KCNN2: variants seen among roughly 807,000 people sequenced by gnomAD.
The protein encoded by KCNN2 is potassium calcium-activated channel subfamily N member 2, also known as small conductance calcium-activated potassium channel protein 2.
In KCNN2, 24 loss-of-function variants were observed where a neutral mutation model predicts 55.5. The ratio of observed to expected loss-of-function variants is 0.43; its 90% CI spans 0.31 to 0.61. KCNN2 has a LOEUF of 0.61. KCNN2 is among the 20% of genes least tolerant of loss of function. KCNN2 has a pLI of 0.08. For missense variants in KCNN2, 754 were observed against 853.6 expected (o/e 0.88, Z 1.45); for synonymous variants, 431 against 336.1 (o/e 1.28, Z -3.09).
At chr5:114,255,098 T>C (rs1379137713) in intron 2 of KCNN2, among the ~76,000 whole-genome samples, 1 of 152,190 alleles carries the variant, frequency 6.6e-6, no homozygotes, top group African/African-American at 2.4e-5. Context: ...AGATGACTGC[T>C]TGATGACAGT....
In KCNN2 at chr5:114,217,150, A is replaced by G. The variant is rs575646129; in HGVS notation, c.-270-4330A>G. Among the ~76,000 whole-genome samples, 59 of 152,256 alleles carry G rather than the reference A, an allele frequency of 3.9e-4. No individual in the cohort carries two copies. The South Asian group carries it at 9.7e-3, about 25-fold the overall frequency. The stretch of plus-strand genomic sequence containing the variant: ...GAGATATTCCATGTTCATGAATGGG[A>G]AAACTCAATATCATCAATACATCAT... On this transcript the variant is annotated intron_variant, in intron 1 of 10. Coordinates refer to the KCNN2 transcript ENST00000512097.
chr5:114,156,981 C>A (rs1343063747), intron 1 of KCNN2, among the ~76,000 whole-genome samples: 1 of 151,318 alleles, frequency 6.6e-6, no homozygotes, highest in Non-Finnish European at 1.5e-5. Flanking sequence ...ACTGGAAATG[C>A]ACTTTGGGAT....
chr5:114,250,442 C>T (rs1439170556), intron 2 of KCNN2, among the ~76,000 whole-genome samples: 2 of 152,092 alleles, frequency 1.3e-5, no homozygotes, highest in Admixed American at 6.5e-5. Flanking sequence ...TAGTGTTGAG[C>T]TCATTTTCAA....
chr5:114,243,917 A>G lies in KCNN2; in HGVS notation c.-185+22352A>G, dbSNP rs1161782165. ...CCTTTTTTGGTATGAAAACATTCTT[A>G]AACCCTGTCTTAAACTACTGCGGAT... On this transcript the variant is annotated intron_variant, in intron 2 of 10. Transcript: ENST00000512097. Among the ~76,000 whole-genome samples, 5 of 152,318 alleles carry G rather than the reference A, an allele frequency of 3.3e-5. 1 individual carries two copies. In the East Asian group the frequency reaches 9.6e-4, roughly 29 times the overall value.
At chr5:114,127,433 C>T (rs1580537027) in intron 1 of KCNN2, among the ~76,000 whole-genome samples, 3 of 152,302 alleles carry the variant, frequency 2.0e-5, no homozygotes, top group Admixed American at 2.0e-4. Flanking sequence ...CCCTCTGAAG[C>T]CATGACTCGA....
At chr5:114,274,895 G>C (rs1419972582) in intron 2 of KCNN2, among the ~76,000 whole-genome samples, 1 of 152,092 alleles carries the variant, frequency 6.6e-6, no homozygotes, top group Non-Finnish European at 1.5e-5. Flanking sequence ...GGTGAGAGAG[G>C]GCATCCTTGT....
At chr5:114,272,529 C>T (rs902640439) in intron 2 of KCNN2, among the ~76,000 whole-genome samples, 1 of 152,034 alleles carries the variant, frequency 6.6e-6, no homozygotes, top group African/African-American at 2.4e-5. Flanking sequence ...CAAACTCACA[C>T]AATTTGTATA....
intron 2 of KCNN2, among the ~76,000 whole-genome samples, chr5:114,256,944 A>G (rs1384535772): frequency 6.6e-6 from 1 of 152,174 alleles, no homozygotes; most frequent in African/African-American, 2.4e-5. Flanking sequence ...TCCTAGGACA[A>G]TGTCCCAAAG....
intron 2 of KCNN2, among the ~76,000 whole-genome samples, chr5:114,228,311 AT>A (rs1011682806): frequency 1.3e-5 from 2 of 152,110 alleles, no homozygotes; most frequent in African/African-American, 4.8e-5. Flanking sequence ...TAAACAATAG[AT>A]TTATGTAACA....
chr5:114,270,112 T>G (rs1317790260), intron 2 of KCNN2, among the ~76,000 whole-genome samples: 3 of 152,242 alleles, frequency 2.0e-5, no homozygotes, highest in African/African-American at 7.2e-5. Context: ...TGCTGCCTAC[T>G]TTTCATTTCT....
chr5:114,364,314 C>G (rs1476031398), intron 2 of KCNN2, among the ~76,000 whole-genome samples: 1 of 152,122 alleles, frequency 6.6e-6, no homozygotes, highest in African/African-American at 2.4e-5. Flanking sequence ...CAGTTATGCT[C>G]TAGTTTTAAT....
At chr5:114,360,953 G>C (rs1258012204), upstream of KCNN2, 3 of 153,426 alleles carry the variant, frequency 2.0e-5, no homozygotes, top group Admixed American at 6.5e-5. Flanking sequence ...AGGTGAGGAG[G>C]AGGAAGAGAA....
intron 2 of KCNN2, among the ~76,000 whole-genome samples, chr5:114,352,705 A>C (rs1204708570): frequency 1.3e-5 from 2 of 151,876 alleles, no homozygotes; most frequent in African/African-American, 2.4e-5. Context: ...TGTGCTGTTT[A>C]ATATTTACGT....
intron 1 of KCNN2, among the ~76,000 whole-genome samples, chr5:114,131,258 C>T (rs1377344961): frequency 6.6e-6 from 1 of 152,120 alleles, no homozygotes; most frequent in Non-Finnish European, 1.5e-5. Context: ...CAAGCATTAG[C>T]TGGTTTTCCT....
intron 4 of KCNN2, among the ~76,000 whole-genome samples, chr5:114,465,564 A>G (rs1382141307): frequency 1.3e-5 from 2 of 151,756 alleles, no homozygotes; most frequent in Non-Finnish European, 2.9e-5. Context: ...GTGAGCCGAG[A>G]TTGCGCCATG....
At chr5:114,137,604 C>G (rs185728341) in intron 1 of KCNN2, among the ~76,000 whole-genome samples, 1 of 152,136 alleles carries the variant, frequency 6.6e-6, no homozygotes, top group East Asian at 1.9e-4. Flanking sequence ...GCAGAAATGG[C>G]ATGGCTTAGA....
chr5:114,101,886 A>G (rs1258797733), intron 1 of KCNN2, among the ~76,000 whole-genome samples: 1 of 152,178 alleles, frequency 6.6e-6, no homozygotes, highest in African/African-American at 2.4e-5. Flanking sequence ...TAGTGCTGCA[A>G]TAAAGATACG....
At chr5:114,425,596 A>G (rs746866656) in intron 3 of KCNN2, among the ~76,000 whole-genome samples, 4 of 152,072 alleles carry the variant, frequency 2.6e-5, no homozygotes, top group Non-Finnish European at 5.9e-5. Context: ...CCTGGACCCA[A>G]CCTCAGATCA....
chr5:114,353,438 T>A (rs1421174273), intron 2 of KCNN2, among the ~76,000 whole-genome samples: 2 of 151,944 alleles, frequency 1.3e-5, no homozygotes, highest in African/African-American at 4.8e-5. Context: ...CCAAGCAGTA[T>A]AATTATATAT....
Sources: gnomAD v4.1 joint callset for allele counts (sites outside exome capture counted in the v4.1 genomes callset) on GRCh38, gnomAD v4.1.1 for gene constraint, MANE v1.5 for transcripts, NCBI Gene and HGNC (gene_info 2026-07-23, HGNC 2026-07-21) for gene names.